The following MUC4 variants were observed in gnomAD, a reference collection of about 807,000 sequenced individuals.
MUC4 encodes the protein mucin-4.
In MUC4, 202 loss-of-function variants were observed where a neutral mutation model predicts 257.9. That is an observed-to-expected ratio of 0.78 (90% CI 0.70 to 0.88). The LOEUF (loss-of-function observed/expected upper bound fraction) is 0.88. MUC4 is among the 40% of genes least tolerant of loss of function. The pLI is 0.00. For synonymous variants in MUC4, 2,351 were observed against 2,757.1 expected (o/e 0.85, Z 4.62); for missense variants, 5,976 against 6,513.7 (o/e 0.92, Z 2.84).
Position 195,779,260 on chromosome 3 carries a change from G to A in MUC4, c.12320C>T (p.Thr4107Ile), listed in dbSNP as rs1560297735. ...LPLTSLSSVS[T>I]GDTTPLPVTD... ...GACAGGAAGAGGCGTGGTGTCACCT[G>A]TGGATACTGAGGAAAGGCTGGTGAG... Residue 4107 changes from threonine (T) to isoleucine (I), a missense_variant, in exon 2 of 25, where the codon ACA becomes ATA. This residue lies in a region of MUC4 where 293 missense variants were observed against 294.5 expected (regional missense o/e 1.00). Transcript: ENST00000463781. 2.9e-6 allele frequency: 4 copies of A among 1,383,762 alleles called. 1 individual carries two copies. Among genetic ancestry groups the A allele is most frequent in the Admixed American group, 4.6e-5 (2 of 43,846 alleles). 85.7% of individuals were successfully genotyped at this position (1,383,762 alleles called of 1,614,324 possible). A position where few individuals can be genotyped will look rare whatever the true frequency, so the allele number is the denominator to read the frequency against.
rs1717886921 is a variant in MUC4, at chr3:195,757,416, C to T, written c.14987-88G>A. On this transcript the variant is annotated intron_variant, in intron 17 of 24. Transcript: ENST00000463781. This position sits in a 1 kb window ranked among gnomAD's most constrained non-coding sequence, Gnocchi z 4.8. ...CTGATACGGGGCTTCCCCCACCCCT[C>T]TCAGGCCACCCTCCCCCTCCCCAGA... 3 of 1,231,682 alleles carry T rather than the reference C, an allele frequency of 2.4e-6. No individual in the cohort carries two copies. Among genetic ancestry groups the T allele is most frequent in the African/African-American group, 1.5e-5 (1 of 66,598 alleles). 76.3% of individuals were successfully genotyped at this position (1,231,682 alleles called of 1,614,324 possible).
rs1161625624 is a variant in MUC4 at position 195,746,798 on chromosome 3, T to C, written c.*378A>G. 7.0e-6 allele frequency: 2 copies of C among 285,598 alleles called. No individual in the cohort carries two copies. Among genetic ancestry groups the C allele is most frequent in the Non-Finnish European group, 1.3e-5 (2 of 151,864 alleles). 17.7% of individuals were successfully genotyped at this position (285,598 alleles called of 1,614,324 possible). A position where few individuals can be genotyped will look rare whatever the true frequency, so the allele number is the denominator to read the frequency against. On this transcript the variant is annotated 3_prime_UTR_variant, in exon 25 of 25. Coordinates refer to ENST00000463781, the MANE Select transcript of MUC4 (RefSeq NM_018406.7). ...ACACAAAAAGTCAGAGAGACTTTATTTAAATAGAGTTAATTTGAAGTAAAC... is the reference window on the plus strand; with the variant it reads ...ACACAAAAAGTCAGAGAGACTTTATCTAAATAGAGTTAATTTGAAGTAAAC...
chr3:195,772,980 A>C (rs1723409260), intron 4 of MUC4, among the ~76,000 whole-genome samples: 1 of 132,528 alleles, frequency 7.5e-6, no homozygotes, highest in Admixed American at 7.6e-5. Context: ...GGGTGTAGAC[A>C]CCCTCTCTCC....
At position 195,783,820 on chromosome 3, in the gene MUC4, G is replaced by C. The variant is rs772958775; in HGVS notation, c.7760C>G (p.Thr2587Arg). The C allele has an allele frequency of 1.0e-5, 15 of 1,481,078 alleles. No homozygotes were observed. In the Admixed American group the frequency reaches 2.9e-4, roughly 28 times the overall value. 91.7% of individuals were successfully genotyped at this position (1,481,078 alleles called of 1,614,324 possible). A position where few individuals can be genotyped will look rare whatever the true frequency, so the allele number is the denominator to read the frequency against. ...GACAGGAAGAGGGGTGGTGTCACCTGTGGATGCTGAGGAAGTGCTGGTGAC... is the reference window on the plus strand; with the variant it reads ...GACAGGAAGAGGGGTGGTGTCACCTCTGGATGCTGAGGAAGTGCTGGTGAC... ...LPVTSTSSAS[T>R]GDTTPLPVTD... is the part of the protein sequence containing the mutation. Residue 2587 changes from threonine (T) to arginine (R), a missense_variant, in exon 2 of 25, where the codon ACA becomes AGA. Physicochemically the swap from Thr to Arg is moderately conservative, Grantham distance 71. This residue lies in a region of MUC4 where 135 missense variants were observed against 114.7 expected (regional missense o/e 1.18). Transcript: ENST00000463781.
At position 195,746,885 on chromosome 3, in the gene MUC4, C is replaced by CTTGT. The variant is rs1390551123; in HGVS notation, c.*290_*291insACAA. On this transcript the variant is annotated 3_prime_UTR_variant, in exon 25 of 25. Transcript: ENST00000463781. ...TAGGGCCATCACCACATTATGAACT[C>CTTGT]GTGTGTGTGTGTGTGTGTGTGCACG... 3 of 485,518 alleles carry CTTGT rather than the reference C, an allele frequency of 6.2e-6. No individual in the cohort carries two copies. Among genetic ancestry groups the CTTGT allele is most frequent in the Non-Finnish European group, 1.1e-5 (3 of 274,804 alleles). 30.1% of individuals were successfully genotyped at this position (485,518 alleles called of 1,614,324 possible).
At chr3:195,762,030 G>T in intron 14 of MUC4, 57 bp downstream of exon 14, 5 of 1,524,204 alleles carry the variant, frequency 3.3e-6, no homozygotes, top group Non-Finnish European at 3.5e-6. Flanking sequence ...CCGGCGTGGG[G>T]GTCCGAGCTC....
Position 195,789,527 on chromosome 3 carries a change from C to T in MUC4, c.2053G>A (p.Asp685Asn). ...GTTGCTGCACTTATGGTGGGTGCGT[C>T]CTGAGGAACAATTTCTGAGGGCGAG... ...GHSPSEIVPQ[D>N]APTISAATTF... Residue 685 changes from aspartate to asparagine, a missense_variant, in exon 2 of 25, where the codon GAC (aspartate) becomes AAC (asparagine). By Grantham distance (23) the Asp-to-Asn change is conservative (BLOSUM62 1). This residue lies in a region of MUC4 where 1,583 missense variants were observed against 1,257.4 expected (regional missense o/e 1.26). Transcript: ENST00000463781. 1 of 1,613,794 alleles carries T rather than the reference C, an allele frequency of 6.2e-7. No individual in the cohort carries two copies. Among genetic ancestry groups the T allele is most frequent in the Non-Finnish European group, 8.5e-7 (1 of 1,179,854 alleles).
At chr3:195,811,140 ATTTTATATTTATT>A (rs1325217374) in intron 1 of MUC4, among the ~76,000 whole-genome samples, 1 of 144,666 alleles carries the variant, frequency 6.9e-6, no homozygotes, top group Non-Finnish European at 1.5e-5. Context: ...TTTTTATTTT[ATTTTATATTTATT>A]TATTTATTTA....
chr3:195,784,620 A>T lies in MUC4; in HGVS notation c.6960T>A (p.Pro2320=). ...ASSASTGHAT[P]LPVTSLSSAS... is the part of the protein sequence containing the mutation. The stretch of plus-strand genomic sequence containing the variant: ...CTGAGGAAAGGCTGGTGACAGGAAG[A>T]GGGGTGGCGTGACCTGTGGATGCTG... The change falls in exon 2 of 25, where the codon CCT becomes CCA. Residue 2320 remains proline (P), a synonymous_variant. Coordinates refer to ENST00000463781, the MANE Select transcript of MUC4 (RefSeq NM_018406.7). 1 of 1,400,320 alleles carries T rather than the reference A, an allele frequency of 7.1e-7. No individual in the cohort carries two copies. Among genetic ancestry groups the T allele is most frequent in the Non-Finnish European group, 9.6e-7 (1 of 1,043,108 alleles). 86.7% of individuals were successfully genotyped at this position (1,400,320 alleles called of 1,614,324 possible).
At position 195,785,897 on chromosome 3, in the gene MUC4, T is replaced by A. The variant is rs2688553; in HGVS notation, c.5683A>T (p.Asn1895Tyr). The change falls in exon 2 of 25, where the codon AAC (asparagine) becomes TAC (tyrosine). Residue 1895 changes from asparagine to tyrosine, a missense_variant. This residue lies in a region of MUC4 where 87 missense variants were observed against 104.6 expected (regional missense o/e 0.83). Transcript: ENST00000463781. ...GTGGTGTCACCTGTGGATGCTGAGT[T>A]AGTGTCGGTGACAGGAAGAGGGGTG... ...DTTPLPVTDTNSASTGDTTPL... is the reference protein window; with the variant it reads ...DTTPLPVTDTYSASTGDTTPL... The A allele has an allele frequency of 0.1, 128,149 of 1,224,742 alleles. 11,386 individuals carry two copies. Among genetic ancestry groups the A allele is most frequent in the African/African-American group, 0.42 (19,078 of 45,338 alleles). The allele number at this position is 1,224,742 out of a possible 1,614,324, so 75.9% of individuals were successfully genotyped here.
chr3:195,782,257 G>T lies in MUC4; in HGVS notation c.9323C>A (p.Thr3108Asn). The T allele has an allele frequency of 6.5e-7, 1 of 1,532,858 alleles. No individual in the cohort carries two copies. The allele number at this position is 1,532,858 out of a possible 1,614,324, so 95.0% of individuals were successfully genotyped here. ...ACCTGTGGATGCTGAGGAAGGGCTA[G>T]TGACAGGAAGAGGCGTGGTGTCACC... The part of the protein sequence containing the change: ...STGDTTPLPV[T>N]SPSSASTGHT... The change falls in exon 2 of 25, where the codon ACT becomes AAT. Residue 3108 changes from threonine (T) to asparagine (N), a missense_variant. This residue lies in a region of MUC4 where 128 missense variants were observed against 104.8 expected (regional missense o/e 1.22). Coordinates refer to ENST00000463781, the MANE Select transcript of MUC4 (RefSeq NM_018406.7).
chr3:195,803,053 A>G (rs896202954), intron 1 of MUC4, among the ~76,000 whole-genome samples: 2 of 151,914 alleles, frequency 1.3e-5, no homozygotes, highest in South Asian at 2.1e-4. Flanking sequence ...TACTGTCTGT[A>G]TATACTCCCT....
At chr3:195,754,755 C>A (rs1007920679) in intron 18 of MUC4, among the ~76,000 whole-genome samples, 3 of 150,914 alleles carry the variant, frequency 2.0e-5, no homozygotes, top group Admixed American at 1.3e-4. Flanking sequence ...TGTATGTATC[C>A]ATGTATGTAT....
chr3:195,756,140 C>G (rs372137810), intron 18 of MUC4, among the ~76,000 whole-genome samples: 258 of 152,304 alleles, frequency 1.7e-3, no homozygotes, highest in African/African-American at 4.4e-3. Flanking sequence ...ACCCGCAGCT[C>G]TCTTCCCAGC....
At chr3:195,767,022 G>A (rs1389234029) in intron 7 of MUC4, among the ~76,000 whole-genome samples, 1 of 152,162 alleles carries the variant, frequency 6.6e-6, no homozygotes, top group African/African-American at 2.4e-5. Context: ...CATGAGACAG[G>A]GGCGTGAAAA....
intron 18 of MUC4, among the ~76,000 whole-genome samples, chr3:195,756,695 C>T (rs557686045): frequency 7.0e-6 from 1 of 142,724 alleles, no homozygotes; most frequent in South Asian, 2.2e-4. Flanking sequence ...TAGAGTCTCA[C>T]TCTGTTGCCC....
At position 195,771,728 on chromosome 3, in the gene MUC4, C is replaced by T. The variant is rs145772547; in HGVS notation, c.13166G>A (p.Arg4389Gln). 3.9e-5 allele frequency: 63 copies of T among 1,613,688 alleles called. No homozygotes were observed. Among genetic ancestry groups the T allele is most frequent in the Middle Eastern group, 1.6e-4 (1 of 6,076 alleles). ...PNPLPTGFTG[R>Q]DPVALVAPFW... ...CGGAGCCACCAGGGCCACAGGGTCC[C>T]GGCCTGTGAAGCCTGTTGGGAGTGG... Residue 4389 changes from arginine to glutamine, a missense_variant, in exon 5 of 25, where the codon CGG becomes CAG. By Grantham distance (43) the Arg-to-Gln change is conservative. Transcript: ENST00000463781.
In MUC4 at chr3:195,755,493, T is replaced by C. The variant is rs984007002; in HGVS notation, c.15169-1121A>G. Among the ~76,000 whole-genome samples the C allele has an allele frequency of 6.6e-6, 1 of 152,098 alleles. No homozygotes were observed. The highest frequency in any genetic ancestry group is 2.4e-5 in the African/African-American group (1 of 41,402). On this transcript the variant is annotated intron_variant, in intron 18 of 24. Coordinates refer to ENST00000463781, the MANE Select transcript of MUC4 (RefSeq NM_018406.7). This position sits in a 1 kb window ranked among gnomAD's most constrained non-coding sequence, Gnocchi z 5.0. ...AACTGGATTTCATATAAGCTGAAATTGACCTCCCTTGCTGACTCCCAAACC... is the reference window on the plus strand; with the variant it reads ...AACTGGATTTCATATAAGCTGAAATCGACCTCCCTTGCTGACTCCCAAACC...
At chr3:195,766,877 G>T in intron 7 of MUC4, 126 bp from the exon 8 acceptor site, 1 of 763,024 alleles carries the variant, frequency 1.3e-6, no homozygotes, top group Non-Finnish European at 2.2e-6. Context: ...CAGTGGGTCA[G>T]TGGGTCAGCC....
Sources: gnomAD v4.1 joint callset for allele counts (sites outside exome capture counted in the v4.1 genomes callset) on GRCh38, gnomAD v4.1.1 for gene constraint, gnomAD v4.1.1 regional missense constraint, Gnocchi (gnomAD v3.1) non-coding constraint, MANE v1.5 for transcripts, NCBI Gene and HGNC (gene_info 2026-07-23, HGNC 2026-07-21) for gene names.